The following TBC1D22A variants were observed in gnomAD, a reference collection of about 807,000 sequenced individuals.
TBC1D22A encodes the protein TBC1 domain family member 22A.
In TBC1D22A, 38 loss-of-function variants were observed where a neutral mutation model predicts 60.2. The observed-to-expected ratio is 0.63, with a 90% CI of 0.49 to 0.83. The LOEUF is 0.83. Ranked by LOEUF, TBC1D22A falls within the 40% of genes least tolerant of loss-of-function variation. The pLI is 0.00. For synonymous variants in TBC1D22A, 302 were observed against 281.7 expected (o/e 1.07, Z -0.72); for missense variants, 628 against 701.0 (o/e 0.90, Z 1.18).
chr22:46,968,803 A>G (rs746329017), intron 8 of TBC1D22A, among the ~76,000 whole-genome samples: 1 of 152,234 alleles, frequency 6.6e-6, no homozygotes, highest in Non-Finnish European at 1.5e-5. Flanking sequence ...TCCCTAAAAC[A>G]GCTTTTCGCA....
At chr22:47,152,341 TC>T (rs1013586079) in intron 12 of TBC1D22A, among the ~76,000 whole-genome samples, 1 of 151,852 alleles carries the variant, frequency 6.6e-6, no homozygotes, top group Non-Finnish European at 1.5e-5. Flanking sequence ...CCTACGGGGT[TC>T]CCCCCCTGGC....
chr22:46,922,268 T>C (rs533654901), intron 8 of TBC1D22A, among the ~76,000 whole-genome samples: 1 of 152,224 alleles, frequency 6.6e-6, no homozygotes, highest in Non-Finnish European at 1.5e-5. Flanking sequence ...TATTGTGCCA[T>C]GTTACCAGTG....
chr22:46,824,659 G>T (rs944385189), intron 4 of TBC1D22A, among the ~76,000 whole-genome samples: 1 of 152,194 alleles, frequency 6.6e-6, no homozygotes, highest in Non-Finnish European at 1.5e-5. Context: ...AGGAAGACCA[G>T]TTAGGAGGGT....
At chr22:47,151,579 C>G (rs1601686238) in intron 12 of TBC1D22A, among the ~76,000 whole-genome samples, 1 of 152,178 alleles carries the variant, frequency 6.6e-6, no homozygotes, top group Admixed American at 6.5e-5. Flanking sequence ...TCCCTCGTGG[C>G]CCCTCTCCAG....
intron 7 of TBC1D22A, among the ~76,000 whole-genome samples, chr22:46,898,315 AG>A (rs2068792700): frequency 6.6e-6 from 1 of 152,160 alleles, no homozygotes; most frequent in Non-Finnish European, 1.5e-5. Context: ...CTGTCAATTG[AG>A]AAAAATGATG....
At chr22:47,128,873 A>G (rs1358248898) in intron 12 of TBC1D22A, among the ~76,000 whole-genome samples, 1 of 152,206 alleles carries the variant, frequency 6.6e-6, no homozygotes, top group Non-Finnish European at 1.5e-5. Context: ...TCATGAAGTC[A>G]CACTTGGCAA....
At chr22:47,042,610 C>A (rs1470320189) in intron 11 of TBC1D22A, among the ~76,000 whole-genome samples, 2 of 152,194 alleles carry the variant, frequency 1.3e-5, no homozygotes, top group Non-Finnish European at 1.5e-5. Flanking sequence ...TTCCAGGACA[C>A]CAGTCGTGCC....
rs540310929 is a variant in TBC1D22A, at chr22:46,792,640, G to A, written c.119+64G>A. 3.5e-5 allele frequency: 57 copies of A among 1,613,210 alleles called. No homozygotes were observed. In the South Asian group the frequency reaches 4.8e-4, roughly 14 times the overall value. On this transcript the variant is annotated intron_variant, in intron 2 of 12. Transcript: ENST00000337137. Reference sequence around the variant, plus strand: ...GATATGGGAGGGCTGTGGCAACCCCGGTCTTCCTGCTTCCTTCCTGCTCCC... The same window carrying A: ...GATATGGGAGGGCTGTGGCAACCCCAGTCTTCCTGCTTCCTTCCTGCTCCC...
At chr22:46,783,458 T>C (rs2084028234) in intron 1 of TBC1D22A, among the ~76,000 whole-genome samples, 1 of 152,208 alleles carries the variant, frequency 6.6e-6, no homozygotes, top group Non-Finnish European at 1.5e-5. Flanking sequence ...GAACACACCG[T>C]ATCTCCATCC....
At chr22:46,846,478 AAGGCT>A (rs1337057460) in intron 4 of TBC1D22A, among the ~76,000 whole-genome samples, 5 of 152,188 alleles carry the variant, frequency 3.3e-5, no homozygotes, top group African/African-American at 1.2e-4. Flanking sequence ...AGAAGAGGGA[AAGGCT>A]CTGCTCCTCG....
intron 10 of TBC1D22A, among the ~76,000 whole-genome samples, chr22:47,030,779 A>C (rs1451492470): frequency 1.3e-5 from 2 of 152,278 alleles, no homozygotes; most frequent in Non-Finnish European, 2.9e-5. Context: ...AAAATAAGAA[A>C]AATGAATCCT....
At chr22:46,783,494 C>T (rs1423411109) in intron 1 of TBC1D22A, among the ~76,000 whole-genome samples, 1 of 152,248 alleles carries the variant, frequency 6.6e-6, no homozygotes, top group South Asian at 2.1e-4. Flanking sequence ...ACAGCGCACA[C>T]ACGCAGTTGA....
intron 7 of TBC1D22A, among the ~76,000 whole-genome samples, chr22:46,902,648 T>C (rs2069083382): frequency 6.6e-6 from 1 of 152,264 alleles, no homozygotes; most frequent in South Asian, 2.1e-4. Flanking sequence ...TCCACTGAGC[T>C]GACTCTTCGC....
At chr22:46,877,468 A>AACATT (rs2067621006) in intron 4 of TBC1D22A, among the ~76,000 whole-genome samples, 2 of 152,350 alleles carry the variant, frequency 1.3e-5, no homozygotes, top group East Asian at 3.9e-4. Flanking sequence ...ATGGTCGGTA[A>AACATT]ACATTACATT....
chr22:46,944,552 C>T (rs530961401), intron 8 of TBC1D22A, among the ~76,000 whole-genome samples: 1 of 152,288 alleles, frequency 6.6e-6, no homozygotes, highest in South Asian at 2.1e-4. Context: ...GCGCCCGCCA[C>T]CATGCCCGGC....
At chr22:46,910,427 G>A (rs1202613253) in intron 7 of TBC1D22A, among the ~76,000 whole-genome samples, 5 of 152,136 alleles carry the variant, frequency 3.3e-5, no homozygotes, top group Admixed American at 6.5e-5. Flanking sequence ...GGAAGGGATC[G>A]ACTCCCCAGG....
intron 2 of TBC1D22A, 29 bp from the exon 3 acceptor site, chr22:46,793,472 T>C (rs1319074552): frequency 6.2e-7 from 1 of 1,611,238 alleles, no homozygotes. Context: ...TTCGAGCATG[T>C]ACGAGTAAAG....
At chr22:46,866,458 A>G (rs1170236029) in intron 4 of TBC1D22A, among the ~76,000 whole-genome samples, 1 of 152,202 alleles carries the variant, frequency 6.6e-6, no homozygotes, top group Non-Finnish European at 1.5e-5. Flanking sequence ...TCAGCATCAC[A>G]CTGAACATCC....
chr22:46,980,877 A>G (rs1250272484), intron 9 of TBC1D22A, among the ~76,000 whole-genome samples: 1 of 152,268 alleles, frequency 6.6e-6, no homozygotes, highest in African/African-American at 2.4e-5. Context: ...TCTCATAGGA[A>G]AGAAGAAAGG....
Sources: allele counts gnomAD v4.1 joint callset (sites outside exome capture counted in the v4.1 genomes callset), GRCh38; gene constraint gnomAD v4.1.1; transcripts MANE v1.5; gene names NCBI Gene and HGNC (gene_info 2026-07-23, HGNC 2026-07-21).